Variants in CREB5 observed in about 807,000 individuals in gnomAD.
CREB5 encodes the protein cAMP responsive element binding protein 5, also known as cyclic AMP-responsive element-binding protein 5.
Under a neutral mutation model 57.1 loss-of-function variants are expected in CREB5, and 19 were observed. The observed-to-expected ratio is 0.33, with a 90% CI of 0.23 to 0.49. The LOEUF (loss-of-function observed/expected upper bound fraction) is 0.49, where lower values mean the gene tolerates loss of function less well. CREB5 is among the 20% of genes least tolerant of loss of function. The pLI, the probability that CREB5 is intolerant of heterozygous loss-of-function variation, is 0.99. For synonymous variants in CREB5, 238 were observed against 238.3 expected (o/e 1.00, Z 0.01); for missense variants, 579 against 671.6 (o/e 0.86, Z 1.52).
chr7:28,607,312 T>C (rs1797175337), intron 5 of CREB5, among the ~76,000 whole-genome samples: 2 of 151,918 alleles, frequency 1.3e-5, no homozygotes, highest in South Asian at 4.2e-4. Context: ...GCCCCAAGAC[T>C]GAATGCAAGG....
chr7:28,809,101 G>A, intron 8 of CREB5, 86 bp from the exon 9 acceptor site: 3 of 1,245,676 alleles, frequency 2.4e-6, no homozygotes, highest in South Asian at 2.9e-5. Context: ...TCTGTGCTTT[G>A]CTTTTTAACA....
At chr7:28,442,808 T>C (rs1214525746) in intron 1 of CREB5, among the ~76,000 whole-genome samples, 2 of 152,228 alleles carry the variant, frequency 1.3e-5, no homozygotes, top group African/African-American at 4.8e-5. Flanking sequence ...TCACTCATCA[T>C]TGAGTCTCTT....
At chr7:28,386,715 G>T (rs1274027816) in intron 1 of CREB5, among the ~76,000 whole-genome samples, 1 of 151,972 alleles carries the variant, frequency 6.6e-6, no homozygotes, top group Non-Finnish European at 1.5e-5. Context: ...TGTTTCCCTT[G>T]CTTCTGTTTT....
At chr7:28,616,782 T>C (rs1222051370) in intron 5 of CREB5, among the ~76,000 whole-genome samples, 1 of 152,232 alleles carries the variant, frequency 6.6e-6, no homozygotes, top group Admixed American at 6.5e-5. Context: ...TTTTCATTTA[T>C]GATTTAAAAA....
chr7:28,803,487 G>A (rs977816971), intron 7 of CREB5, among the ~76,000 whole-genome samples: 10 of 152,254 alleles, frequency 6.6e-5, no homozygotes, highest in Admixed American at 2.6e-4. Context: ...GGCCGGGCAC[G>A]GTGGCTCACG....
chr7:28,347,642 C>T (rs73084499), intron 1 of CREB5, among the ~76,000 whole-genome samples: 21,099 of 152,168 alleles, frequency 0.14, 1,680 homozygotes, highest in East Asian at 0.32. Context: ...CTCCCCACCC[C>T]AGAGTGTCCA....
At chr7:28,509,029 A>T (rs1365455966) in intron 4 of CREB5, among the ~76,000 whole-genome samples, 2 of 152,212 alleles carry the variant, frequency 1.3e-5, no homozygotes, top group African/African-American at 4.8e-5. Context: ...GAGAGGAAGA[A>T]ATTCTCATCA....
At chr7:28,689,193 A>T (rs933821481) in intron 5 of CREB5, among the ~76,000 whole-genome samples, 6 of 152,146 alleles carry the variant, frequency 3.9e-5, no homozygotes, top group African/African-American at 1.4e-4. Flanking sequence ...TAATATGGAG[A>T]GGGCCGAGCG....
At chr7:28,348,373 C>T (rs1417950953) in intron 1 of CREB5, among the ~76,000 whole-genome samples, 2 of 114,938 alleles carry the variant, frequency 1.7e-5, no homozygotes, top group Non-Finnish European at 1.9e-5. Context: ...CCTGCTTTCT[C>T]TCTCTCTCTG....
At chr7:28,641,523 T>A (rs1233290014) in intron 5 of CREB5, among the ~76,000 whole-genome samples, 1 of 152,128 alleles carries the variant, frequency 6.6e-6, no homozygotes, top group Non-Finnish European at 1.5e-5. Context: ...AGGGTATACT[T>A]GTTCCACTCT....
chr7:28,666,936 GAAA>G (rs113572513), intron 5 of CREB5, among the ~76,000 whole-genome samples: 1 of 129,236 alleles, frequency 7.7e-6, no homozygotes, highest in African/African-American at 2.8e-5. Context: ...CCTTTCTTAG[GAAA>G]AAAAAAAAAA....
chr7:28,302,419 T>A (rs1785112055), intron 1 of CREB5, among the ~76,000 whole-genome samples: 1 of 152,232 alleles, frequency 6.6e-6, no homozygotes, highest in Admixed American at 6.5e-5. Flanking sequence ...GACTTTAATG[T>A]GTTTTTGTCA....
intron 5 of CREB5, among the ~76,000 whole-genome samples, chr7:28,712,258 A>G (rs983529853): frequency 1.3e-5 from 2 of 152,116 alleles, no homozygotes; most frequent in African/African-American, 4.8e-5. Context: ...CTGAAATCCC[A>G]GCACTTTGGG....
At position 28,444,779 on chromosome 7, in the gene CREB5, A is replaced by G. The variant is rs77280500; in HGVS notation, c.3+31862A>G. Among the ~76,000 whole-genome samples the G allele has an allele frequency of 1.6e-3, 251 of 152,306 alleles. 4 individuals are homozygous for G. The highest frequency in any genetic ancestry group is 9.5e-3 in the East Asian group (49 of 5,184). ...TCCCCCTGATGCCAGAGAAAATCCAATTAGTGAAGAATTTGAAAGAAAGAA... is the reference window on the plus strand; with the variant it reads ...TCCCCCTGATGCCAGAGAAAATCCAGTTAGTGAAGAATTTGAAAGAAAGAA... On this transcript the variant is annotated intron_variant, in intron 1 of 10. Coordinates refer to ENST00000357727, the MANE Select transcript of CREB5 (RefSeq NM_182898.4).
intron 1 of CREB5, among the ~76,000 whole-genome samples, chr7:28,405,220 T>C (rs986918509): frequency 6.6e-6 from 1 of 152,198 alleles, no homozygotes; most frequent in Non-Finnish European, 1.5e-5. Context: ...AATGGGACGA[T>C]AGCTAGATGT....
intron 1 of CREB5, among the ~76,000 whole-genome samples, chr7:28,316,415 A>G (rs1309954777): frequency 6.6e-6 from 1 of 152,166 alleles, no homozygotes; most frequent in Non-Finnish European, 1.5e-5. Flanking sequence ...TGTGTCAGTA[A>G]TAAATAGTTT....
chr7:28,441,367 C>T (rs981197036), intron 1 of CREB5, among the ~76,000 whole-genome samples: 2 of 152,212 alleles, frequency 1.3e-5, no homozygotes, highest in African/African-American at 4.8e-5. Context: ...TGGCTCTCCA[C>T]ATGGAAAGAA....
intron 4 of CREB5, among the ~76,000 whole-genome samples, chr7:28,554,666 C>T (rs1158333791): frequency 1.3e-5 from 2 of 152,238 alleles, no homozygotes; most frequent in Non-Finnish European, 2.9e-5. Flanking sequence ...AGACACTGTG[C>T]CTGGAGGCAG....
chr7:28,812,702 C>T (rs186721492), intron 9 of CREB5, among the ~76,000 whole-genome samples: 6 of 152,180 alleles, frequency 3.9e-5, no homozygotes, highest in Non-Finnish European at 7.3e-5. Flanking sequence ...GAGTGTCCTG[C>T]ATCAGGCCCC....
Sources: allele counts gnomAD v4.1 joint callset (sites outside exome capture counted in the v4.1 genomes callset), GRCh38; gene constraint gnomAD v4.1.1; transcripts MANE v1.5; gene names NCBI Gene and HGNC (gene_info 2026-07-23, HGNC 2026-07-21).